C7orf57: variants seen among roughly 807,000 people sequenced by gnomAD.
The protein encoded by C7orf57 is uncharacterized protein C7orf57.
In C7orf57, 33 loss-of-function variants were observed where a neutral mutation model predicts 39.0. That is an observed-to-expected ratio of 0.85 (90% CI 0.64 to 1.13). C7orf57 has a LOEUF of 1.13. C7orf57 is among the 50% of genes most tolerant of loss of function. The probability of loss-of-function intolerance (pLI) is 0.00; values close to 1 mark genes in which losing one functional copy is unlikely to be tolerated. For missense variants in C7orf57, 346 were observed against 362.3 expected, an observed-to-expected ratio of 0.95 and a Z score of 0.37; for synonymous variants, 124 against 137.1, an observed-to-expected ratio of 0.90 and a Z score of 0.67.
At chr7:48,040,054 T>TG (rs1248857513) in intron 2 of C7orf57, among the ~76,000 whole-genome samples, 3 of 152,184 alleles carry the variant, frequency 2.0e-5, no homozygotes, top group African/African-American at 2.4e-5. Flanking sequence ...CTTCTCTCTG[T>TG]GGGGGTCATC....
intron 2 of C7orf57, among the ~76,000 whole-genome samples, chr7:48,040,212 C>A (rs1357716986): frequency 6.6e-6 from 1 of 152,230 alleles, no homozygotes; most frequent in Non-Finnish European, 1.5e-5. Context: ...CTTAGGGAGC[C>A]TCATGGCTTC....
In C7orf57 at chr7:48,046,605, G is replaced by A; in HGVS notation, c.496G>A (p.Glu166Lys). The A allele has an allele frequency of 6.2e-7, 1 of 1,610,966 alleles. No homozygotes were observed. The highest frequency in any genetic ancestry group is 1.7e-5 in the Admixed American group (1 of 59,300). Residue 166 changes from glutamate (E) to lysine (K), a missense_variant, in exon 5 of 9, where the codon GAG (glutamate) becomes AAG (lysine). Transcript: ENST00000348904. ...AAGAGAGGCTGAGGAACTTGAAAAG[G>A]AGAAAAAAAAGGTGACGGGAGCCCA... is the stretch of plus-strand genomic sequence containing the variant. ...WQREAEELEK[E>K]KKKLRLPAID...
chr7:48,036,257 A>T lies in C7orf57; in HGVS notation c.-52A>T. Reference sequence around the variant, plus strand: ...GCAGGCAGCGTCCAGCGCACCCGCGAACACCAGGTCCGGCAGCATCTGTCT... The same window carrying T: ...GCAGGCAGCGTCCAGCGCACCCGCGTACACCAGGTCCGGCAGCATCTGTCT... On this transcript the variant is annotated 5_prime_UTR_variant, in exon 2 of 9. Transcript: ENST00000348904. 1 of 1,547,442 alleles carries T rather than the reference A, an allele frequency of 6.5e-7. No homozygotes were observed. The highest frequency in any genetic ancestry group is 8.8e-7 in the Non-Finnish European group (1 of 1,142,256).
At chr7:48,037,098 C>T (rs1431331935) in intron 2 of C7orf57, among the ~76,000 whole-genome samples, 1 of 152,120 alleles carries the variant, frequency 6.6e-6, no homozygotes, top group East Asian at 1.9e-4. Context: ...TCTTCATACT[C>T]TAAACATGCT....
rs1790992849 is a variant in C7orf57 at position 48,052,726 on chromosome 7, C to T, written c.632C>T (p.Thr211Ile). The T allele has an allele frequency of 6.2e-7, 1 of 1,613,994 alleles. No individual in the cohort carries two copies. Among genetic ancestry groups the T allele is most frequent in the Non-Finnish European group, 8.5e-7 (1 of 1,179,880 alleles). Residue 211 changes from threonine (T) to isoleucine (I), a missense_variant, in exon 7 of 9, where the codon ACC becomes ATC. Physicochemically the swap from Thr to Ile is moderately conservative, Grantham distance 89. Coordinates refer to ENST00000348904, the MANE Select transcript of C7orf57 (RefSeq NM_001100159.3). ...PVPGQKNSSP[T>I]NFSKLISNGY... is the part of the protein sequence containing the mutation. ...CCTGGTCAAAAAAACAGTTCACCTA[C>T]CAATTTTTCCAAACTCATTAGCAAT...
chr7:48,052,932 C>G lies in C7orf57; in HGVS notation c.829+9C>G, dbSNP rs1025762404. 1.2e-6 allele frequency: 2 copies of G among 1,602,308 alleles called. No individual in the cohort carries two copies. The highest frequency in any genetic ancestry group is 1.7e-5 in the Admixed American group (1 of 59,624). On this transcript the variant is annotated intron_variant, in intron 7 of 8. Coordinates refer to ENST00000348904, the MANE Select transcript of C7orf57 (RefSeq NM_001100159.3). ...TCCTGAGGACACCCCAGGTGAGGCA[C>G]AAGCAGCCATCTGCATTTATTGGAG...
intron 3 of C7orf57, among the ~76,000 whole-genome samples, chr7:48,042,244 T>G (rs1377105990): frequency 6.6e-6 from 1 of 152,212 alleles, no homozygotes; most frequent in East Asian, 1.9e-4. Context: ...ACCAAACAAT[T>G]TGATGGACTA....
At position 48,046,652 on chromosome 7, in the gene C7orf57, C is replaced by T. The variant is rs376229568; in HGVS notation, c.507+36C>T. The T allele has an allele frequency of 2.9e-5, 46 of 1,591,136 alleles. No homozygotes were observed. The African/African-American group carries it at 3.2e-4, about 11-fold the overall frequency. On this transcript the variant is annotated intron_variant, in intron 5 of 8. Transcript: ENST00000348904. Reference sequence around the variant, plus strand: ...CCCATAAATAGACGGCATCCGCATCCGCTTTGCTTCTGTGGTCTCGAGTAA... The same window carrying T: ...CCCATAAATAGACGGCATCCGCATCTGCTTTGCTTCTGTGGTCTCGAGTAA...
intron 8 of C7orf57, among the ~76,000 whole-genome samples, chr7:48,059,349 G>T (rs542741978): frequency 9.2e-5 from 14 of 152,026 alleles, no homozygotes; most frequent in African/African-American, 3.4e-4. Flanking sequence ...TCTTGTCAAG[G>T]CTTCTTATTT....
intron 3 of C7orf57, among the ~76,000 whole-genome samples, chr7:48,041,857 CTT>C (rs1790560439): frequency 6.6e-6 from 1 of 152,222 alleles, no homozygotes; most frequent in Non-Finnish European, 1.5e-5. Context: ...GAGAATCTGT[CTT>C]TGCATGCTAC....
chr7:48,041,457 G>A lies in C7orf57; in HGVS notation c.179G>A (p.Arg60Lys). 6.2e-7 allele frequency: 1 copy of A among 1,613,856 alleles called. No individual in the cohort carries two copies. The highest frequency in any genetic ancestry group is 8.5e-7 in the Non-Finnish European group (1 of 1,179,810). The change falls in exon 3 of 9, where the codon AGA becomes AAA. Residue 60 changes from arginine to lysine, a missense_variant. By Grantham distance (26) the Arg-to-Lys change is conservative. Coordinates refer to ENST00000348904, the MANE Select transcript of C7orf57 (RefSeq NM_001100159.3). ...AGCGAGAACCTGCCTGGGACTCGGAGATACTGGATAAAAGAAACAGATTCG... is the reference window on the plus strand; with the variant it reads ...AGCGAGAACCTGCCTGGGACTCGGAAATACTGGATAAAAGAAACAGATTCG... ...SHSENLPGTR[R>K]YWIKETDSEY... is the part of the protein sequence containing the mutation.
intron 8 of C7orf57, among the ~76,000 whole-genome samples, chr7:48,055,336 G>A (rs998319958): frequency 1.3e-5 from 2 of 149,976 alleles, no homozygotes; most frequent in South Asian, 2.1e-4. Context: ...ATTTTAAATC[G>A]ACAGATAATA....
chr7:48,041,064 G>A (rs1302422581), intron 2 of C7orf57, among the ~76,000 whole-genome samples: 1 of 152,172 alleles, frequency 6.6e-6, no homozygotes, highest in Non-Finnish European at 1.5e-5. Context: ...GGAAGCGAAA[G>A]CACCCATGAA....
intron 4 of C7orf57, among the ~76,000 whole-genome samples, 185 bp from the exon 5 acceptor site, chr7:48,046,275 A>AAG (rs1209026151): frequency 2.0e-5 from 3 of 151,492 alleles, no homozygotes; most frequent in Non-Finnish European, 4.4e-5. Context: ...AAAAGAGAGA[A>AAG]AGAGAGAGAG....
intron 8 of C7orf57, among the ~76,000 whole-genome samples, chr7:48,055,104 C>G (rs1791080109): frequency 6.6e-6 from 1 of 152,180 alleles, no homozygotes; most frequent in African/African-American, 2.4e-5. Flanking sequence ...TCTCGATCTC[C>G]TGACCTCGTG....
At chr7:48,043,265 C>G (rs542232910) in intron 3 of C7orf57, among the ~76,000 whole-genome samples, 225 of 152,266 alleles carry the variant, frequency 1.5e-3, no homozygotes, top group African/African-American at 5.2e-3. Context: ...GGGAGGCATA[C>G]AGGATGTCCC....
At chr7:48,038,636 A>T (rs1369161069) in intron 2 of C7orf57, among the ~76,000 whole-genome samples, 1 of 152,226 alleles carries the variant, frequency 6.6e-6, no homozygotes, top group African/African-American at 2.4e-5. Flanking sequence ...AAAAAGAGTC[A>T]AACTCTGTAA....
intron 5 of C7orf57, among the ~76,000 whole-genome samples, chr7:48,048,634 A>G (rs565965637): frequency 9.1e-4 from 139 of 152,160 alleles, no homozygotes; most frequent in Admixed American, 1.9e-3. Flanking sequence ...TTTATAGAGA[A>G]CTGCTCCCCA....
At chr7:48,050,446 C>T (rs1790841930) in intron 6 of C7orf57, among the ~76,000 whole-genome samples, 2 of 152,204 alleles carry the variant, frequency 1.3e-5, no homozygotes, top group Non-Finnish European at 2.9e-5. Context: ...GATCCTCCAG[C>T]TGCAGAGTGA....
Sources: allele counts gnomAD v4.1 joint callset (sites outside exome capture counted in the v4.1 genomes callset), GRCh38; gene constraint gnomAD v4.1.1; transcripts MANE v1.5; gene names NCBI Gene and HGNC (gene_info 2026-07-23, HGNC 2026-07-21).